The following RCSD1 variants were observed in gnomAD, a reference collection of about 807,000 sequenced individuals.
RCSD1 encodes RCSD domain containing 1, also known as capZ-interacting protein.
A neutral mutation model predicts 42.5 loss-of-function variants in RCSD1; 26 were observed. The observed-to-expected ratio is 0.61, with a 90% CI of 0.45 to 0.85. The LOEUF is 0.85. Among genes scored for constraint, RCSD1 ranks in the 40% least tolerant of loss-of-function variants. The probability of loss-of-function intolerance (pLI) is 0.00; values close to 1 mark genes in which losing one functional copy is unlikely to be tolerated. For synonymous variants in RCSD1, 220 were observed against 212.2 expected (o/e 1.04, Z -0.32); for missense variants, 571 against 528.3 (o/e 1.08, Z -0.79).
At chr1:167,635,782 A>G (rs1485414200) in intron 1 of RCSD1, among the ~76,000 whole-genome samples, 1 of 152,214 alleles carries the variant, frequency 6.6e-6, no homozygotes, top group Non-Finnish European at 1.5e-5. Flanking sequence ...CCTCTGCCAT[A>G]TGGTAAAGGG....
intron 5 of RCSD1, 134 bp downstream of exon 5, chr1:167,694,436 C>A: frequency 1.2e-6 from 1 of 839,918 alleles, no homozygotes; most frequent in Non-Finnish European, 1.8e-6. Flanking sequence ...CGTGTTAACC[C>A]AAGTGAAATT....
intron 6 of RCSD1, among the ~76,000 whole-genome samples, chr1:167,701,252 G>GTTTGTTTGTTTCTTTCTTTCTTTC (rs1276194168): frequency 4.9e-4 from 47 of 96,132 alleles, no homozygotes; most frequent in Admixed American, 1.1e-3. Context: ...CAATTGCCTA[G>GTTTGTTTGTTTCTTTCTTTCTTTC]TTTCTTTCTT....
At position 167,634,379 on chromosome 1, in the gene RCSD1, GT is replaced by G. The variant is rs34071293; in HGVS notation, c.6+3961del. On this transcript the variant is annotated intron_variant, in intron 1 of 6. Transcript: ENST00000367854. ...TATTGAAGAGGGAAGGAAGATCAGG[GT>G]TTTTTTTTTTAACAAGCAGTGTTTA... is the stretch of plus-strand genomic sequence containing the variant. Among the ~76,000 whole-genome samples the G allele has an allele frequency of 5.9e-3, 878 of 148,264 alleles. 8 individuals are homozygous for G. The highest frequency in any genetic ancestry group is 0.026 in the South Asian group (121 of 4,646).
At chr1:167,638,949 G>T (rs931387064) in intron 1 of RCSD1, among the ~76,000 whole-genome samples, 1 of 152,192 alleles carries the variant, frequency 6.6e-6, no homozygotes, top group Non-Finnish European at 1.5e-5. Context: ...CGGGGGCGGT[G>T]GCTTATGCCT....
chr1:167,677,497 C>CT (rs1214011989), intron 1 of RCSD1, among the ~76,000 whole-genome samples: 3 of 152,174 alleles, frequency 2.0e-5, no homozygotes, highest in Non-Finnish European at 4.4e-5. Flanking sequence ...ATGTTGAAGC[C>CT]TTTAATATTT....
intron 1 of RCSD1, among the ~76,000 whole-genome samples, chr1:167,666,879 A>G (rs185849280): frequency 2.6e-4 from 39 of 152,318 alleles, no homozygotes; most frequent in African/African-American, 9.4e-4. Flanking sequence ...AACTTTCTTT[A>G]AACATCATGA....
intron 4 of RCSD1, among the ~76,000 whole-genome samples, chr1:167,693,302 G>A (rs370089368): frequency 2.0e-5 from 3 of 152,126 alleles, no homozygotes; most frequent in Admixed American, 6.5e-5. Context: ...TCTCACGCAC[G>A]TTCTCCCCAT....
intron 6 of RCSD1, among the ~76,000 whole-genome samples, chr1:167,703,737 G>A (rs1202737051): frequency 6.6e-6 from 1 of 152,128 alleles, no homozygotes; most frequent in Non-Finnish European, 1.5e-5. Context: ...CCCCAATAGT[G>A]GGGCCGGGGC....
intron 3 of RCSD1, among the ~76,000 whole-genome samples, chr1:167,689,359 G>A (rs1480638577): frequency 1.3e-5 from 2 of 151,866 alleles, no homozygotes; most frequent in Non-Finnish European, 2.9e-5. Context: ...GTGCATGCCT[G>A]TAATTCCAGC....
intron 1 of RCSD1, among the ~76,000 whole-genome samples, chr1:167,657,991 G>T (rs187790545): frequency 6.6e-6 from 1 of 151,826 alleles, no homozygotes; most frequent in African/African-American, 2.4e-5. Flanking sequence ...GCAGTGGTGC[G>T]ATCCTAGCTC....
At position 167,648,687 on chromosome 1, in the gene RCSD1, C is replaced by A. The variant is rs959070146; in HGVS notation, c.6+18258C>A. Among the ~76,000 whole-genome samples, 5 of 148,036 alleles carry A rather than the reference C, an allele frequency of 3.4e-5. No homozygotes were observed. In the East Asian group the frequency reaches 9.8e-4, roughly 29 times the overall value. On this transcript the variant is annotated intron_variant, in intron 1 of 6. Transcript: ENST00000367854. Reference sequence around the variant, plus strand: ...GCTGCAGATAGGGGGAAGTTACATACCAGTGATGGGGTGCGGGCAACAGTG... The same window carrying A: ...GCTGCAGATAGGGGGAAGTTACATAACAGTGATGGGGTGCGGGCAACAGTG...
chr1:167,676,627 G>A (rs148322911), intron 1 of RCSD1, among the ~76,000 whole-genome samples: 120 of 152,032 alleles, frequency 7.9e-4, no homozygotes, highest in African/African-American at 2.6e-3. Flanking sequence ...AAATTACACT[G>A]ATAAAATCCT....
At chr1:167,691,096 G>A (rs1659365513) in intron 4 of RCSD1, among the ~76,000 whole-genome samples, 1 of 152,190 alleles carries the variant, frequency 6.6e-6, no homozygotes, top group Non-Finnish European at 1.5e-5. Flanking sequence ...CTCAGCCTTG[G>A]CATTACTCGA....
At chr1:167,641,648 G>A (rs950288031) in intron 1 of RCSD1, 1 of 152,350 alleles carries the variant, frequency 6.6e-6, no homozygotes, top group Non-Finnish European at 1.5e-5. Flanking sequence ...AACCTGGGAG[G>A]TGAAGTTTGC....
chr1:167,641,739 C>T (rs1272006575), intron 1 of RCSD1: 1 of 152,078 alleles, frequency 6.6e-6, no homozygotes, highest in Admixed American at 6.5e-5. Flanking sequence ...GAATAAGACA[C>T]AATCCTTGCC....
chr1:167,704,564 G>C lies in RCSD1; in HGVS notation c.1219-100G>C, dbSNP rs1659713503. 3 of 1,007,450 alleles carry C rather than the reference G, an allele frequency of 3.0e-6. No individual in the cohort carries two copies. In the East Asian group the frequency reaches 7.4e-5, roughly 25 times the overall value. 62.4% of individuals were successfully genotyped at this position (1,007,450 alleles called of 1,614,324 possible). ...TATCATTCTTACTATTACTCCTACT[G>C]TTACTATTATTGCCAGATCCATCAT... is the stretch of plus-strand genomic sequence containing the variant. On this transcript the variant is annotated intron_variant, in intron 6 of 6. Transcript: ENST00000367854.
At chr1:167,698,999 C>T (rs1405124107) in intron 6 of RCSD1, among the ~76,000 whole-genome samples, 1 of 152,006 alleles carries the variant, frequency 6.6e-6, no homozygotes, top group African/African-American at 2.4e-5. Context: ...CGGGTTTCAC[C>T]GTGTTAGCCA....
chr1:167,704,315 G>T (rs557567487), intron 6 of RCSD1, among the ~76,000 whole-genome samples: 1 of 152,180 alleles, frequency 6.6e-6, no homozygotes, highest in Non-Finnish European at 1.5e-5. Context: ...ATCAAGGGTG[G>T]GCAGGGTCAC....
intron 5 of RCSD1, among the ~76,000 whole-genome samples, chr1:167,695,596 T>C (rs561351806): frequency 2.6e-5 from 4 of 151,212 alleles, no homozygotes; most frequent in Non-Finnish European, 5.9e-5. Flanking sequence ...TGGAGTGCAG[T>C]GGTGCGATAT....
Sources: gnomAD v4.1 joint callset for allele counts (sites outside exome capture counted in the v4.1 genomes callset) on GRCh38, gnomAD v4.1.1 for gene constraint, MANE v1.5 for transcripts, NCBI Gene and HGNC (gene_info 2026-07-23, HGNC 2026-07-21) for gene names.